The following EPM2A variants were observed in gnomAD, a reference collection of about 807,000 sequenced individuals.
EPM2A encodes laforin.
EPM2A carries 21 observed loss-of-function variants against 26.5 expected under a neutral mutation model. The observed-to-expected ratio is 0.79, with a 90% CI of 0.56 to 1.14. EPM2A has a LOEUF of 1.14. EPM2A is among the 50% of genes most tolerant of loss of function. The pLI, the probability that EPM2A is intolerant of heterozygous loss-of-function variation, is 0.00. For synonymous variants in EPM2A, 217 were observed against 177.6 expected, an observed-to-expected ratio of 1.22 and a Z score of -1.76; for missense variants, 458 against 440.8, an observed-to-expected ratio of 1.04 and a Z score of -0.35.
At chr6:145,428,821 T>C (rs771275525) in intron 4 of EPM2A, among the ~76,000 whole-genome samples, 1 of 152,242 alleles carries the variant, frequency 6.6e-6, no homozygotes, top group Non-Finnish European at 1.5e-5. Flanking sequence ...AAGGACCATT[T>C]GGAAGCCTGC....
chr6:145,520,312 AACAG>A (rs1464806259), intron 2 of EPM2A, among the ~76,000 whole-genome samples: 1 of 152,126 alleles, frequency 6.6e-6, no homozygotes, highest in Non-Finnish European at 1.5e-5. Flanking sequence ...TCCAGTACTC[AACAG>A]ACAATTTCAG....
At chr6:145,527,973 T>C (rs1303817942) in intron 2 of EPM2A, among the ~76,000 whole-genome samples, 1 of 152,130 alleles carries the variant, frequency 6.6e-6, no homozygotes, top group Non-Finnish European at 1.5e-5. Context: ...ACAGTCTTTA[T>C]GGCTTATATG....
chr6:145,698,885 C>A (rs1020203314), intron 1 of EPM2A, among the ~76,000 whole-genome samples: 1 of 152,116 alleles, frequency 6.6e-6, no homozygotes, highest in Non-Finnish European at 1.5e-5. Flanking sequence ...TGAGGAAACA[C>A]CGTAAGGATA....
At chr6:145,461,881 T>C (rs1053909962) in intron 4 of EPM2A, among the ~76,000 whole-genome samples, 5 of 152,156 alleles carry the variant, frequency 3.3e-5, no homozygotes, top group Non-Finnish European at 7.4e-5. Flanking sequence ...AGTTTAACCA[T>C]GACAAAAAGA....
intron 2 of EPM2A, among the ~76,000 whole-genome samples, chr6:145,527,551 T>A (rs903125298): frequency 6.6e-6 from 1 of 152,120 alleles, no homozygotes; most frequent in African/African-American, 2.4e-5. Flanking sequence ...CCTTCCTTTT[T>A]CACTGTTGTT....
chr6:145,426,420 T>G (rs1562330086), intron 4 of EPM2A, among the ~76,000 whole-genome samples: 1 of 152,228 alleles, frequency 6.6e-6, no homozygotes, highest in Non-Finnish European at 1.5e-5. Flanking sequence ...TTGTAGCACA[T>G]ATTATTCCAC....
At chr6:145,544,040 C>G (rs110289) in intron 2 of EPM2A, among the ~76,000 whole-genome samples, 68,497 of 152,118 alleles carry the variant, frequency 0.45, 15,449 homozygotes, top group South Asian at 0.58. Context: ...AGCTTCTGGT[C>G]AGTCTCATGG....
intron 2 of EPM2A, among the ~76,000 whole-genome samples, chr6:145,615,489 A>G (rs1775487451): frequency 6.6e-6 from 1 of 152,008 alleles, no homozygotes; most frequent in Admixed American, 6.6e-5. Context: ...TGGGGTACCA[A>G]TTTACAGTAT....
intron 4 of EPM2A, among the ~76,000 whole-genome samples, chr6:145,435,457 A>G (rs1778977552): frequency 6.7e-6 from 1 of 149,924 alleles, no homozygotes; most frequent in Non-Finnish European, 1.5e-5. Context: ...TTTAACAATT[A>G]TTTTCATGTA....
chr6:145,635,613 T>G, intron 2 of EPM2A, 127 bp from the exon 3 acceptor site: 1 of 903,084 alleles, frequency 1.1e-6, no homozygotes, highest in East Asian at 2.5e-5. Context: ...AGCTAGATAT[T>G]TTAGAATATG....
chr6:145,627,669 G>A lies in EPM2A; in HGVS notation c.743C>T (p.Ala248Val), dbSNP rs374043005. Residue 248 changes from alanine (A) to valine (V), a missense_variant, in exon 4 of 4, where the codon GCG (alanine) becomes GTG (valine). By Grantham distance (64) the Ala-to-Val change is moderately conservative (BLOSUM62 0). Transcript: ENST00000367519. The part of the protein sequence containing the change: ...TEGRVQMLPQ[A>V]VCLLHALLEK... ...CAGCAGCGCATGCAGCAGGCACACC[G>A]CCTGGGGCAGCATCTGTACTCGGCC... 2.3e-4 allele frequency: 373 copies of A among 1,614,012 alleles called. 1 individual carries two copies. Among genetic ancestry groups the A allele is most frequent in the Non-Finnish European group, 3.0e-4 (356 of 1,180,030 alleles).
chr6:145,497,221 G>C (rs1027522359), downstream of EPM2A, among the ~76,000 whole-genome samples: 1 of 152,122 alleles, frequency 6.6e-6, no homozygotes, highest in Non-Finnish European at 1.5e-5. Flanking sequence ...TCAATCTTTG[G>C]GATTGCTAAC....
At chr6:145,437,072 A>C (rs1215213985) in intron 4 of EPM2A, among the ~76,000 whole-genome samples, 1 of 152,124 alleles carries the variant, frequency 6.6e-6, no homozygotes, top group African/African-American at 2.4e-5. Flanking sequence ...CCCAAATTTC[A>C]TGTGGAATTG....
At chr6:145,634,615 G>A (rs962120961) in intron 3 of EPM2A, 1 of 152,782 alleles carries the variant, frequency 6.5e-6, no homozygotes, top group African/African-American at 2.4e-5. Flanking sequence ...AAATCCTGCA[G>A]GATCATCTTT....
intron 4 of EPM2A, among the ~76,000 whole-genome samples, chr6:145,462,089 C>T (rs1212562046): frequency 6.6e-5 from 10 of 152,158 alleles, no homozygotes; most frequent in African/African-American, 2.4e-4. Context: ...CAGAATAGTG[C>T]TTGGCACTGT....
At chr6:145,482,482 TCA>T (rs1423539461) in intron 4 of EPM2A, among the ~76,000 whole-genome samples, 4 of 152,128 alleles carry the variant, frequency 2.6e-5, no homozygotes, top group African/African-American at 9.7e-5. Flanking sequence ...GTATGTTTGA[TCA>T]CAGTCCATGG....
intron 2 of EPM2A, among the ~76,000 whole-genome samples, chr6:145,597,372 T>C (rs1781360368): frequency 6.6e-6 from 1 of 152,222 alleles, no homozygotes; most frequent in African/African-American, 2.4e-5. Context: ...CCTATAATTA[T>C]TTTCCCAATA....
intron 2 of EPM2A, among the ~76,000 whole-genome samples, chr6:145,659,325 T>C (rs572024934): frequency 1.6e-4 from 24 of 152,296 alleles, no homozygotes; most frequent in African/African-American, 5.5e-4. Context: ...AACTTTATTC[T>C]TTAATAATGA....
intron 2 of EPM2A, among the ~76,000 whole-genome samples, chr6:145,598,802 C>G (rs1182896220): frequency 6.6e-6 from 1 of 151,736 alleles, no homozygotes; most frequent in Non-Finnish European, 1.5e-5. Flanking sequence ...GGGAAGGGGT[C>G]TAGTTTCAAA....
Sources: allele counts gnomAD v4.1 joint callset (sites outside exome capture counted in the v4.1 genomes callset), GRCh38; gene constraint gnomAD v4.1.1; transcripts MANE v1.5; gene names NCBI Gene and HGNC (gene_info 2026-07-23, HGNC 2026-07-21).